Variants in RALGPS1 observed in about 807,000 individuals in gnomAD.
RALGPS1 encodes the protein ras-specific guanine nucleotide-releasing factor RalGPS1.
A neutral mutation model predicts 78.8 loss-of-function variants in RALGPS1; 19 were observed. That is an observed-to-expected ratio of 0.24 (90% CI 0.17 to 0.35). The LOEUF is 0.35. Among genes scored for constraint, RALGPS1 ranks in the 10% least tolerant of loss-of-function variants. The probability of loss-of-function intolerance (pLI) is 1.00; values close to 1 mark genes in which losing one functional copy is unlikely to be tolerated. For synonymous variants in RALGPS1, 228 were observed against 256.3 expected (o/e 0.89, Z 1.06); for missense variants, 454 against 688.3 (o/e 0.66, Z 3.81).
At chr9:127,116,538 T>C (rs2055442916) in intron 8 of RALGPS1, among the ~76,000 whole-genome samples, 1 of 152,242 alleles carries the variant, frequency 6.6e-6, no homozygotes, top group Admixed American at 6.5e-5. Flanking sequence ...AGTTGGCTGC[T>C]GCATTTCCGG....
chr9:127,108,490 T>A, intron 8 of RALGPS1: 2 of 1,612,664 alleles, frequency 1.2e-6, no homozygotes, highest in Non-Finnish European at 1.7e-6. Context: ...CACTCGGTTC[T>A]CCAGAAGCAC....
chr9:127,212,209 C>T lies in RALGPS1; in HGVS notation c.1326C>T (p.Thr442=). 1 of 1,613,826 alleles carries T rather than the reference C, an allele frequency of 6.2e-7. No individual in the cohort carries two copies. Among genetic ancestry groups the T allele is most frequent in the Non-Finnish European group, 8.5e-7 (1 of 1,179,878 alleles). The change falls in exon 15 of 19, where the codon ACC becomes ACT. Residue 442 remains threonine (T), a synonymous_variant. Coordinates refer to ENST00000259351, the MANE Select transcript of RALGPS1 (RefSeq NM_014636.3). The surrounding 1 kb of genome is among the most constrained non-coding windows in gnomAD (Gnocchi z 6.0). ...PTMEGPLRRK[T]LLKEGRKPAL... is the part of the protein sequence containing the mutation. Reference sequence around the variant, plus strand: ...TGGAGGGGCCTCTGAGAAGAAAAACCCTGCTCAAGGAAGGGCGGAAGCCTG... The same window carrying T: ...TGGAGGGGCCTCTGAGAAGAAAAACTCTGCTCAAGGAAGGGCGGAAGCCTG...
intron 14 of RALGPS1, among the ~76,000 whole-genome samples, chr9:127,203,049 C>G (rs999488108): frequency 6.6e-6 from 1 of 152,172 alleles, no homozygotes; most frequent in Non-Finnish European, 1.5e-5. Context: ...ATAACAGATG[C>G]CTTTTTCTGC....
chr9:126,999,034 G>T, intron 4 of RALGPS1, among the ~76,000 whole-genome samples: 1 of 108,114 alleles, frequency 9.2e-6, no homozygotes, highest in Non-Finnish European at 1.8e-5. Flanking sequence ...GGGGGAGGGG[G>T]GAGGGATAGC....
chr9:127,067,825 T>G (rs1047698340), intron 7 of RALGPS1, among the ~76,000 whole-genome samples: 2 of 152,220 alleles, frequency 1.3e-5, no homozygotes, highest in African/African-American at 4.8e-5. Context: ...AGCCTCATGC[T>G]TTGCCTCAGC....
intron 8 of RALGPS1, among the ~76,000 whole-genome samples, chr9:127,127,298 C>A (rs113803275): frequency 6.6e-6 from 1 of 152,108 alleles, no homozygotes; most frequent in Admixed American, 6.5e-5. Context: ...TCAAGCAGGT[C>A]TTTTTAAATT....
chr9:127,005,920 C>T (rs2043799021), intron 4 of RALGPS1, among the ~76,000 whole-genome samples: 1 of 152,188 alleles, frequency 6.6e-6, no homozygotes, highest in African/African-American at 2.4e-5. Flanking sequence ...GTTTGTGCAG[C>T]TTGGGAGTGG....
rs768212640 is a variant in RALGPS1 at position 126,952,652 on chromosome 9, A to AGTGTGT, written c.-65-9572_-65-9571insTGTGTG. Among the ~76,000 whole-genome samples the AGTGTGT allele has an allele frequency of 4.2e-3, 512 of 122,214 alleles. 2 individuals carry two copies. Among genetic ancestry groups the AGTGTGT allele is most frequent in the African/African-American group, 5.4e-3 (202 of 37,460 alleles). The allele number at this position is 122,214 out of a possible 152,430, so 80.2% of individuals were successfully genotyped here. On this transcript the variant is annotated intron_variant, in intron 1 of 18. Coordinates refer to ENST00000259351, the MANE Select transcript of RALGPS1 (RefSeq NM_014636.3). ...CTGAGAGAGAGAGAGAGAGAGAGAG[A>AGTGTGT]GAGAGTGTGTGTGTGTGTGTGTGTG...
At chr9:127,117,135 A>G (rs760856869) in intron 8 of RALGPS1, among the ~76,000 whole-genome samples, 61 of 152,094 alleles carry the variant, frequency 4.0e-4, no homozygotes, top group Non-Finnish European at 7.1e-4. Flanking sequence ...ACCTTCCCCC[A>G]CTGTCCTGGC....
chr9:126,972,574 C>T (rs1280277167), intron 3 of RALGPS1, among the ~76,000 whole-genome samples: 3 of 152,184 alleles, frequency 2.0e-5, no homozygotes, highest in South Asian at 2.1e-4. Flanking sequence ...CCGCCACCTG[C>T]GGTCTTGCCA....
intron 5 of RALGPS1, among the ~76,000 whole-genome samples, chr9:127,040,501 G>A (rs982502517): frequency 6.6e-6 from 1 of 152,190 alleles, no homozygotes; most frequent in Non-Finnish European, 1.5e-5. Context: ...TCCAGGACAT[G>A]GTGAGAGGAA....
intron 3 of RALGPS1, among the ~76,000 whole-genome samples, chr9:126,966,520 C>CA (rs756980868): frequency 0.025 from 1,330 of 52,874 alleles, 38 homozygotes; most frequent in African/African-American, 0.055. Context: ...AACCCTGTCT[C>CA]AAAAAAAAAA....
At chr9:126,970,690 A>G (rs1311964974) in intron 3 of RALGPS1, among the ~76,000 whole-genome samples, 1 of 152,178 alleles carries the variant, frequency 6.6e-6, no homozygotes, top group African/African-American at 2.4e-5. Context: ...GTTGAACACT[A>G]CATGAAAGCA....
intron 1 of RALGPS1, among the ~76,000 whole-genome samples, chr9:126,936,477 A>G (rs971145008): frequency 6.6e-6 from 1 of 152,244 alleles, no homozygotes; most frequent in African/African-American, 2.4e-5. Flanking sequence ...ATGACAAGAA[A>G]TGGGAATAAT....
chr9:127,060,971 C>T (rs1410092132), intron 7 of RALGPS1, among the ~76,000 whole-genome samples: 6 of 152,158 alleles, frequency 3.9e-5, no homozygotes, highest in African/African-American at 1.4e-4. Context: ...ATTTCCAACC[C>T]TGTATTTCAG....
chr9:127,213,460 C>T (rs1008975810), intron 17 of RALGPS1, among the ~76,000 whole-genome samples: 1 of 152,220 alleles, frequency 6.6e-6, no homozygotes, highest in East Asian at 1.9e-4. Context: ...CCAAGGCCAA[C>T]TCAGAGAAGA....
chr9:127,205,084 G>T lies in RALGPS1; in HGVS notation c.1247+6018G>T, dbSNP rs1260304021. ...CCTGTGGCTGAGGCCAGGATCCCAG[G>T]CTCTCATTCTTCCCCTGAGTCTGGT... On this transcript the variant is annotated intron_variant, in intron 14 of 18. Transcript: ENST00000259351. The surrounding 1 kb of genome is among the most constrained non-coding windows in gnomAD (Gnocchi z 4.0). 6.6e-6 allele frequency among the ~76,000 whole-genome samples: 1 copy of T among 152,232 alleles called. No individual in the cohort carries two copies. Among genetic ancestry groups the T allele is most frequent in the Non-Finnish European group, 1.5e-5 (1 of 68,038 alleles).
At chr9:126,918,931 A>G (rs774814487) in intron 1 of RALGPS1, among the ~76,000 whole-genome samples, 6 of 152,062 alleles carry the variant, frequency 3.9e-5, no homozygotes, top group Non-Finnish European at 8.8e-5. Flanking sequence ...CGGCCTCCCA[A>G]AGTGCTGGGA....
At chr9:126,963,961 C>T (rs1209410856) in intron 2 of RALGPS1, among the ~76,000 whole-genome samples, 7 of 152,172 alleles carry the variant, frequency 4.6e-5, no homozygotes, top group African/African-American at 1.2e-4. Context: ...AGTAGACTGC[C>T]GATTCCAGCA....
Sources: allele counts gnomAD v4.1 joint callset (sites outside exome capture counted in the v4.1 genomes callset), GRCh38; gene constraint gnomAD v4.1.1; non-coding constraint Gnocchi (gnomAD v3.1); transcripts MANE v1.5; gene names NCBI Gene and HGNC (gene_info 2026-07-23, HGNC 2026-07-21).